Variants in TNRC6B observed in about 807,000 individuals in gnomAD.
TNRC6B encodes trinucleotide repeat containing adaptor 6B.
TNRC6B carries 52 observed loss-of-function variants against 203.6 expected under a neutral mutation model. That is an observed-to-expected ratio of 0.26 (90% CI 0.20 to 0.32). TNRC6B has a LOEUF of 0.32. Among genes scored for constraint, TNRC6B ranks in the 10% least tolerant of loss-of-function variants. TNRC6B has a pLI of 1.00. For missense variants in TNRC6B, 1,923 were observed against 2,286.2 expected (o/e 0.84, Z 3.24); for synonymous variants, 838 against 845.7 (o/e 0.99, Z 0.16).
chr22:40,221,271 C>T (rs2069704398), intron 1 of TNRC6B, among the ~76,000 whole-genome samples: 3 of 152,100 alleles, frequency 2.0e-5, no homozygotes, highest in South Asian at 4.1e-4. Context: ...TACCTGGGTT[C>T]CTAAGATAGA....
intron 1 of TNRC6B, among the ~76,000 whole-genome samples, chr22:40,230,492 A>G (rs1404784449): frequency 6.6e-6 from 1 of 151,726 alleles, no homozygotes; most frequent in African/African-American, 2.4e-5. Context: ...GGATTTCACC[A>G]TGTTGGCCAG....
chr22:40,182,228 C>T (rs1041368212), intron 1 of TNRC6B, among the ~76,000 whole-genome samples: 7 of 150,934 alleles, frequency 4.6e-5, no homozygotes, highest in African/African-American at 1.7e-4. Context: ...CTGGGCAGTA[C>T]AGGGAGACTC....
exon 3 of TNRC6B, chr22:40,125,803 A>G (rs747663514): frequency 7.5e-6 from 12 of 1,609,934 alleles, no homozygotes; most frequent in Non-Finnish European, 8.5e-6. Context: ...AGAGTTTTGC[A>G]CAAAATCTGT....
chr22:40,055,596 A>G (rs1229171930), intron 1 of TNRC6B, among the ~76,000 whole-genome samples: 2 of 152,236 alleles, frequency 1.3e-5, no homozygotes, highest in African/African-American at 2.4e-5. Context: ...TCATAAAGGC[A>G]TAGAGTACCA....
At chr22:40,107,696 G>A (rs2068298704) in intron 1 of TNRC6B, among the ~76,000 whole-genome samples, 2 of 151,884 alleles carry the variant, frequency 1.3e-5, no homozygotes, top group Non-Finnish European at 2.9e-5. Context: ...GATAATTTCA[G>A]AACATTAATC....
chr22:40,095,355 A>G (rs2068179198), intron 1 of TNRC6B, among the ~76,000 whole-genome samples: 1 of 152,130 alleles, frequency 6.6e-6, no homozygotes, highest in South Asian at 2.1e-4. Flanking sequence ...TGGCAAGGCC[A>G]TTTCTCTGCT....
intron 1 of TNRC6B, among the ~76,000 whole-genome samples, chr22:40,245,598 A>T (rs1023579381): frequency 6.6e-6 from 1 of 152,230 alleles, no homozygotes; most frequent in Non-Finnish European, 1.5e-5. Flanking sequence ...TGATAAATAC[A>T]TATGTACCAT....
At chr22:40,183,571 A>G (rs1363314694) in intron 1 of TNRC6B, among the ~76,000 whole-genome samples, 1 of 152,152 alleles carries the variant, frequency 6.6e-6, no homozygotes, top group Admixed American at 6.5e-5. Flanking sequence ...AGCAATTTCA[A>G]ATGAATTGGT....
rs1377623612 is a variant in TNRC6B at position 40,324,942 on chromosome 22, C to T, written c.*1701C>T. The stretch of plus-strand genomic sequence containing the variant: ...ACGTTTAATCTACAGTTATCACCAA[C>T]ATGTATGTACTTATGTCGGAATCAA... On this transcript the variant is annotated 3_prime_UTR_variant, in exon 23 of 23. Transcript: ENST00000454349. The T allele has an allele frequency of 6.6e-6, 1 of 151,846 alleles. No individual in the cohort carries two copies. The highest frequency in any genetic ancestry group is 2.4e-5 in the African/African-American group (1 of 41,126). The allele number at this position is 151,846 out of a possible 1,614,324, so 9.4% of individuals were successfully genotyped here. A position where few individuals can be genotyped will look rare whatever the true frequency, so the allele number is the denominator to read the frequency against.
chr22:40,149,157 C>G (rs1380698890), intron 3 of TNRC6B, among the ~76,000 whole-genome samples: 1 of 152,148 alleles, frequency 6.6e-6, no homozygotes, highest in Non-Finnish European at 1.5e-5. Flanking sequence ...ACATTCTGAA[C>G]AATGGAATAC....
At chr22:40,290,288 A>T (rs901963666) in intron 12 of TNRC6B, among the ~76,000 whole-genome samples, 2 of 152,194 alleles carry the variant, frequency 1.3e-5, no homozygotes, top group African/African-American at 4.8e-5. Flanking sequence ...CAGACAGCAC[A>T]GACGTAGAAC....
chr22:40,185,699 G>A (rs971352106), intron 1 of TNRC6B, among the ~76,000 whole-genome samples: 1 of 152,172 alleles, frequency 6.6e-6, no homozygotes, highest in Admixed American at 6.5e-5. Flanking sequence ...ATGGTAGACG[G>A]TGGGGACCTG....
rs114261518 is a variant in TNRC6B at position 40,253,005 on chromosome 22, A to G, written c.115+1805A>G. Among the ~76,000 whole-genome samples, 308 of 152,222 alleles carry G rather than the reference A, an allele frequency of 2.0e-3. 1 individual carries two copies. The highest frequency in any genetic ancestry group is 7.2e-3 in the African/African-American group (301 of 41,520). On this transcript the variant is annotated intron_variant, in intron 3 of 22. Transcript: ENST00000454349. ...CACAAGACTGATGCTTGCAAAGCCA[A>G]GTGTTAGTTGTGCTGTAGAACTGAG...
intron 4 of TNRC6B, among the ~76,000 whole-genome samples, chr22:40,163,397 CAAAAAAAAAA>C (rs1032013873): frequency 5.0e-5 from 1 of 20,076 alleles, no homozygotes; most frequent in Non-Finnish European, 9.5e-5. Context: ...GACCCTGTCT[CAAAAAAAAAA>C]AAAAAAAAAA....
At chr22:40,078,194 G>T (rs908324709) in intron 1 of TNRC6B, among the ~76,000 whole-genome samples, 5 of 152,312 alleles carry the variant, frequency 3.3e-5, no homozygotes, top group African/African-American at 1.2e-4. Context: ...ACTACTGGAA[G>T]ACTTTTCATT....
intron 17 of TNRC6B, among the ~76,000 whole-genome samples, chr22:40,312,166 T>A (rs1399223317): frequency 6.6e-6 from 1 of 152,218 alleles, no homozygotes; most frequent in Non-Finnish European, 1.5e-5. Context: ...TTGGCCTAGA[T>A]GCTGGGATGA....
rs972267449 is a variant in TNRC6B at position 40,326,941 on chromosome 22, G to A, written c.*3700G>A. The A allele has an allele frequency of 6.6e-6, 1 of 152,540 alleles. No homozygotes were observed. Among genetic ancestry groups the A allele is most frequent in the Non-Finnish European group, 1.5e-5 (1 of 68,008 alleles). 9.4% of individuals were successfully genotyped at this position (152,540 alleles called of 1,614,324 possible). A position where few individuals can be genotyped will look rare whatever the true frequency, so the allele number is the denominator to read the frequency against. On this transcript the variant is annotated 3_prime_UTR_variant, in exon 23 of 23. Coordinates refer to ENST00000454349, the MANE Select transcript of TNRC6B (RefSeq NM_001162501.2). Reference sequence around the variant, plus strand: ...AGCTACTGTTGTGCTCGTTTTAATTGCTGTTTTGAAGATCTGCTGCTTAAT... The same window carrying A: ...AGCTACTGTTGTGCTCGTTTTAATTACTGTTTTGAAGATCTGCTGCTTAAT...
At chr22:40,091,359 T>G (rs1336593395) in intron 1 of TNRC6B, among the ~76,000 whole-genome samples, 2 of 152,100 alleles carry the variant, frequency 1.3e-5, no homozygotes, top group Admixed American at 6.5e-5. Flanking sequence ...ATATAGTAAT[T>G]TATAAGAATT....
In TNRC6B at chr22:40,335,377, A is replaced by T. The variant is rs900449252; in HGVS notation, c.*12136A>T. 6 of 151,666 alleles carry T rather than the reference A, an allele frequency of 4.0e-5. No homozygotes were observed. Among genetic ancestry groups the T allele is most frequent in the African/African-American group, 1.5e-4 (6 of 41,282 alleles). 9.4% of individuals were successfully genotyped at this position (151,666 alleles called of 1,614,324 possible). On this transcript the variant is annotated 3_prime_UTR_variant, in exon 23 of 23. Transcript: ENST00000454349. ...CACTGGTTCACTTAAAAAAACAAACAATAAAATGTTAAACTCTACTAATGT... is the reference window on the plus strand; with the variant it reads ...CACTGGTTCACTTAAAAAAACAAACTATAAAATGTTAAACTCTACTAATGT...
Sources: allele counts gnomAD v4.1 joint callset (sites outside exome capture counted in the v4.1 genomes callset), GRCh38; gene constraint gnomAD v4.1.1; transcripts MANE v1.5; gene names NCBI Gene and HGNC (gene_info 2026-07-23, HGNC 2026-07-21).